Variants in PREPL observed in about 807,000 individuals in gnomAD.
The protein encoded by PREPL is prolyl endopeptidase-like.
Under a neutral mutation model 70.6 loss-of-function variants are expected in PREPL, and 77 were observed. That is an observed-to-expected ratio of 1.09 (90% confidence interval 0.91 to 1.32). PREPL has a LOEUF of 1.32. PREPL is among the 40% of genes most tolerant of loss of function. The pLI is 0.00. For synonymous variants in PREPL, 315 were observed against 264.8 expected, an observed-to-expected ratio of 1.19 and a Z score of -1.84; for missense variants, 1,002 against 778.2, an observed-to-expected ratio of 1.29 and a Z score of -3.42.
chr2:44,321,308 C>T lies in PREPL; in HGVS notation c.*48G>A, dbSNP rs567843125. Reference sequence around the variant, plus strand: ...TTTGCTAACTCAATTGGAAGTAAGACTATGAAATATTTCAGTGTGTTTCCA... The same window carrying T: ...TTTGCTAACTCAATTGGAAGTAAGATTATGAAATATTTCAGTGTGTTTCCA... On this transcript the variant is annotated 3_prime_UTR_variant, in exon 14 of 14. Coordinates refer to ENST00000409411, the MANE Select transcript of PREPL (RefSeq NM_001171613.2). The T allele has an allele frequency of 1.4e-6, 2 of 1,436,418 alleles. No individual in the cohort carries two copies. The highest frequency in any genetic ancestry group is 1.2e-5 in the South Asian group (1 of 83,264). 89.0% of individuals were successfully genotyped at this position (1,436,418 alleles called of 1,614,324 possible).
chr2:44,338,204 C>A, intron 7 of PREPL, 147 bp downstream of exon 7: 1 of 762,938 alleles, frequency 1.3e-6, no homozygotes. Flanking sequence ...CTCCTAAACC[C>A]AAGAGTGACT....
chr2:44,346,383 TG>T lies in PREPL; in HGVS notation c.-42del, dbSNP rs749853265. ...TTTTTCGTTTTCTTGTTTAACAGGCTGAAGATCCTGGAAAAAGTTTTGTTAT... is the reference window on the plus strand; with the variant it reads ...TTTTTCGTTTTCTTGTTTAACAGGCTAAGATCCTGGAAAAAGTTTTGTTAT... On this transcript the variant is annotated 5_prime_UTR_variant, in exon 2 of 14. Transcript: ENST00000409411. 1.9e-5 allele frequency: 31 copies of T among 1,610,838 alleles called. No homozygotes were observed. In the Middle Eastern group the frequency reaches 6.6e-4, roughly 34 times the overall value.
At chr2:44,360,286 G>A (rs1677558472) in intron 1 of PREPL, 1 of 152,190 alleles carries the variant, frequency 6.6e-6, no homozygotes, top group Non-Finnish European at 1.5e-5. Flanking sequence ...TATCTTGTTT[G>A]TCTAATTTAA....
rs932155365 is a variant in PREPL, at chr2:44,339,209, C to T, written c.640G>A (p.Val214Ile). ...QKRIHGVLYY[V>I]EHRDDELYIL... Reference sequence around the variant, plus strand: ...TATAATTCATCATCTCTGTGTTCAACATAGTAAAGGACCCCATGTATTCGC... The same window carrying T: ...TATAATTCATCATCTCTGTGTTCAATATAGTAAAGGACCCCATGTATTCGC... The change falls in exon 6 of 14, where the codon GTT (valine) becomes ATT (isoleucine). Residue 214 changes from valine to isoleucine, a missense_variant. Val to Ile is a conservative substitution (Grantham distance 29). Transcript: ENST00000409411. 1 of 1,613,930 alleles carries T rather than the reference C, an allele frequency of 6.2e-7. No homozygotes were observed. The highest frequency in any genetic ancestry group is 1.3e-5 in the African/African-American group (1 of 74,922).
rs771707341 is a variant in PREPL, at chr2:44,321,422, C to G, written c.1851G>C (p.Leu617=). The change falls in exon 14 of 14, where the codon CTG becomes CTC. Residue 617 remains leucine, a synonymous_variant. Coordinates refer to ENST00000409411, the MANE Select transcript of PREPL (RefSeq NM_001171613.2). ...TGCTGTCAAGTCCAAGTTCCTCGTACAGGAATTTAATTTGGGCTGTAATCT... is the reference window on the plus strand; with the variant it reads ...TGCTGTCAAGTCCAAGTTCCTCGTAGAGGAATTTAATTTGGGCTGTAATCT... ...HKKITAQIKF[L]YEELGLDSTS... 11 of 1,612,732 alleles carry G rather than the reference C, an allele frequency of 6.8e-6. No homozygotes were observed. In the South Asian group the frequency reaches 1.1e-4, roughly 16 times the overall value.
intron 1 of PREPL, among the ~76,000 whole-genome samples, chr2:44,348,529 G>A (rs1435069013): frequency 1.3e-5 from 2 of 152,150 alleles, no homozygotes; most frequent in African/African-American, 4.8e-5. Flanking sequence ...ATGGAGCTGG[G>A]TTCTGTCACT....
intron 9 of PREPL, among the ~76,000 whole-genome samples, chr2:44,328,618 A>G (rs1673776969): frequency 1.3e-5 from 2 of 152,138 alleles, no homozygotes; most frequent in African/African-American, 4.8e-5. Flanking sequence ...CTGAAATAAA[A>G]TGGAAGTTAA....
Position 44,327,894 on chromosome 2 carries a change from A to C in PREPL, c.1263-966T>G, listed in dbSNP as rs545798139. Reference sequence around the variant, plus strand: ...ATACAAAACAAAATAAAAAAAATAAAAGGACATGATTTTGGAAGGCTGAGG... The same window carrying C: ...ATACAAAACAAAATAAAAAAAATAACAGGACATGATTTTGGAAGGCTGAGG... On this transcript the variant is annotated intron_variant, in intron 9 of 13. Transcript: ENST00000409411. Among the ~76,000 whole-genome samples the C allele has an allele frequency of 2.0e-5, 3 of 151,716 alleles. No individual in the cohort carries two copies. The East Asian group carries it at 5.8e-4, about 30-fold the overall frequency.
In PREPL at chr2:44,331,481, TA is replaced by T. The variant is rs747666420; in HGVS notation, c.1086+977del. Among the ~76,000 whole-genome samples the T allele has an allele frequency of 4.9e-4, 74 of 151,936 alleles. 1 individual carries two copies. Among genetic ancestry groups the T allele is most frequent in the Admixed American group, 9.2e-4 (14 of 15,266 alleles). ...TCAGCCTCCCAAAGTGCTGGGATTA[TA>T]GGTGTGAGCCACTGTGCCCGGCCAG... On this transcript the variant is annotated intron_variant, in intron 8 of 13. Coordinates refer to ENST00000409411, the MANE Select transcript of PREPL (RefSeq NM_001171613.2).
At chr2:44,332,374 A>G in intron 8 of PREPL, 85 bp downstream of exon 8, 1 of 1,192,952 alleles carries the variant, frequency 8.4e-7, no homozygotes, top group Non-Finnish European at 1.2e-6. Context: ...AAACCGTGCT[A>G]ATGTAACTCC....
chr2:44,342,321 C>T (rs1482952627), intron 5 of PREPL, 96 bp downstream of exon 5: 5 of 1,161,956 alleles, frequency 4.3e-6, no homozygotes, highest in African/African-American at 1.5e-5. Context: ...TTCCTGGTTC[C>T]AACCAAAATA....
At chr2:44,346,740 T>G (rs1458841966) in intron 1 of PREPL, among the ~76,000 whole-genome samples, 2 of 151,914 alleles carry the variant, frequency 1.3e-5, no homozygotes, top group Non-Finnish European at 2.9e-5. Flanking sequence ...TCCATGAACT[T>G]TTACATATTT....
intron 7 of PREPL, among the ~76,000 whole-genome samples, chr2:44,333,681 T>C (rs1674350093): frequency 6.6e-6 from 1 of 152,160 alleles, no homozygotes; most frequent in Non-Finnish European, 1.5e-5. Flanking sequence ...ATCTGCAATC[T>C]CTAAAAGCTC....
At chr2:44,357,463 C>A (rs1297496357) in intron 1 of PREPL, among the ~76,000 whole-genome samples, 1 of 152,198 alleles carries the variant, frequency 6.6e-6, no homozygotes, top group Non-Finnish European at 1.5e-5. Context: ...TACATTACAT[C>A]ATTTCTCATA....
Position 44,332,494 on chromosome 2 carries a change from T to C in PREPL, c.1051A>G (p.Thr351Ala). The part of the protein sequence containing the change: ...ETGHEDPITK[T>A]SRVLRLEAKS... ...GCTTCTAGACGTAAAACGCGACTAG[T>C]CTTTGTGATTGGGTCTTCATGCCCA... The change falls in exon 8 of 14, where the codon ACT (threonine) becomes GCT (alanine). Residue 351 changes from threonine to alanine, a missense_variant. Physicochemically the swap from Thr to Ala is moderately conservative, Grantham distance 58. Transcript: ENST00000409411. 28 of 1,614,106 alleles carry C rather than the reference T, an allele frequency of 1.7e-5. No homozygotes were observed. Among genetic ancestry groups the C allele is most frequent in the Non-Finnish European group, 2.3e-5 (27 of 1,179,990 alleles).
rs1672689621 is a variant in PREPL, at chr2:44,319,013, T to TC, written c.*2342_*2343insG. On this transcript the variant is annotated 3_prime_UTR_variant, in exon 14 of 14. Coordinates refer to ENST00000409411, the MANE Select transcript of PREPL (RefSeq NM_001171613.2). Reference sequence around the variant, plus strand: ...ATAATAGCTAACACTTACCGGGCACTTCTTATGTGAGTGGCACTGAAACAT... The same window carrying TC: ...ATAATAGCTAACACTTACCGGGCACTCTCTTATGTGAGTGGCACTGAAACAT... 1 of 152,226 alleles carries TC rather than the reference T, an allele frequency of 6.6e-6. No homozygotes were observed. The highest frequency in any genetic ancestry group is 1.5e-5 in the Non-Finnish European group (1 of 68,046). 9.4% of individuals were successfully genotyped at this position (152,226 alleles called of 1,614,324 possible).
chr2:44,349,767 C>G (rs917890223), intron 1 of PREPL, among the ~76,000 whole-genome samples: 1 of 151,678 alleles, frequency 6.6e-6, no homozygotes, highest in East Asian at 1.9e-4. Flanking sequence ...AAAAAGAATA[C>G]GAGGAGAGAA....
chr2:44,357,052 C>G (rs1221644220), intron 1 of PREPL, among the ~76,000 whole-genome samples: 1 of 152,216 alleles, frequency 6.6e-6, no homozygotes, highest in African/African-American at 2.4e-5. Context: ...ACAATCTGCT[C>G]GCCTTGGCCT....
chr2:44,345,514 A>G (rs897673492), intron 2 of PREPL, among the ~76,000 whole-genome samples: 5 of 151,724 alleles, frequency 3.3e-5, no homozygotes, highest in African/African-American at 7.3e-5. Context: ...ACCATGCCTA[A>G]TTTTTGTATT....
Sources: allele counts gnomAD v4.1 joint callset (sites outside exome capture counted in the v4.1 genomes callset), GRCh38; gene constraint gnomAD v4.1.1; transcripts MANE v1.5; gene names NCBI Gene and HGNC (gene_info 2026-07-23, HGNC 2026-07-21).